GSE1: variants seen among roughly 807,000 people sequenced by gnomAD.
GSE1 encodes the protein genetic suppressor element 1.
GSE1 carries 32 observed loss-of-function variants against 112.6 expected under a neutral mutation model. That is an observed-to-expected ratio of 0.28 (90% CI 0.21 to 0.38). The LOEUF is 0.38. Among genes scored for constraint, GSE1 ranks in the 10% least tolerant of loss-of-function variants. GSE1 has a pLI of 1.00. For missense variants in GSE1, 2,348 were observed against 1,699.2 expected, an observed-to-expected ratio of 1.38 and a Z score of -6.71; for synonymous variants, 1,115 against 735.6, an observed-to-expected ratio of 1.52 and a Z score of -8.35.
Position 85,666,154 on chromosome 16 carries a change from C to T in GSE1, c.2937C>T (p.Ala979=). 1.2e-6 allele frequency: 2 copies of T among 1,613,356 alleles called. No individual in the cohort carries two copies. The highest frequency in any genetic ancestry group is 2.2e-5 in the South Asian group (2 of 91,090). Residue 979 remains alanine, a synonymous_variant, in exon 13 of 16, where the codon GCC becomes GCT. Coordinates refer to ENST00000253458, the MANE Select transcript of GSE1 (RefSeq NM_014615.5). ...ASGEKARLSE[A]PGGKKSLSML... is the part of the protein sequence containing the mutation. ...GGGAGAAGGCCAGGCTGAGCGAGGC[C>T]CCTGGAGGCAAAAAGAGTCTGAGCA... is the stretch of plus-strand genomic sequence containing the variant.
At chr16:85,316,731 G>T (rs1417005237) in intron 1 of GSE1, among the ~76,000 whole-genome samples, 1 of 152,188 alleles carries the variant, frequency 6.6e-6, no homozygotes, top group Non-Finnish European at 1.5e-5. Context: ...ATGGGGCTCC[G>T]CAGGGGTTAC....
In GSE1 at chr16:85,210,009, C is replaced by G. The variant is rs58005047; in HGVS notation, c.2283+38202C>G. On this transcript the variant is annotated intron_variant, in intron 1 of 2. Coordinates refer to the GSE1 transcript ENST00000637419. The stretch of plus-strand genomic sequence containing the variant: ...AAATACATGGGGACACGGTTACAGT[C>G]TAAACTATTAGCATAATAGTCCCAA... Among the ~76,000 whole-genome samples, 250 of 152,332 alleles carry G rather than the reference C, an allele frequency of 1.6e-3. 1 individual carries two copies. Among genetic ancestry groups the G allele is most frequent in the African/African-American group, 5.9e-3 (244 of 41,568 alleles).
intron 2 of GSE1, chr16:85,357,732 A>C: frequency 2.4e-6 from 2 of 847,806 alleles, no homozygotes; most frequent in Non-Finnish European, 3.4e-6. Flanking sequence ...CCGAGTTCAG[A>C]TACAGTTCCG....
intron 1 of GSE1, among the ~76,000 whole-genome samples, chr16:85,586,239 T>G (rs2046685723): frequency 6.6e-6 from 1 of 152,244 alleles, no homozygotes; most frequent in Admixed American, 6.5e-5. Context: ...ACATCTGCAA[T>G]TTCCAGATGA....
At chr16:85,190,816 C>A (rs533743626) in intron 1 of GSE1, among the ~76,000 whole-genome samples, 1 of 152,306 alleles carries the variant, frequency 6.6e-6, no homozygotes, top group East Asian at 1.9e-4. Context: ...GATTCCTGGC[C>A]CAGGGCACAA....
upstream of GSE1, among the ~76,000 whole-genome samples, chr16:85,612,074 G>T (rs994482904): frequency 6.6e-6 from 1 of 152,022 alleles, no homozygotes; most frequent in Non-Finnish European, 1.5e-5. Flanking sequence ...AGATCAGAGG[G>T]GTGTTGGAAG....
chr16:85,555,141 C>A, upstream of GSE1: 2 of 985,406 alleles, frequency 2.0e-6, no homozygotes, highest in Non-Finnish European at 2.4e-6. Context: ...CCCGCCGCTG[C>A]GCCCCTACCC....
At position 85,661,499 on chromosome 16, in the gene GSE1, A is replaced by C. The variant is rs747281231; in HGVS notation, c.1994A>C (p.Gln665Pro). Reference sequence around the variant, plus strand: ...CGAGAGGGAGGGAGCCTGGAGCACCAGCCCTTCCTGCCCGGGCCCGGGCCC... The same window carrying C: ...CGAGAGGGAGGGAGCCTGGAGCACCCGCCCTTCCTGCCCGGGCCCGGGCCC... ...PPREGGSLEHQPFLPGPGPFL... is the reference protein window; with the variant it reads ...PPREGGSLEHPPFLPGPGPFL... The change falls in exon 9 of 16, where the codon CAG becomes CCG. Residue 665 changes from glutamine to proline, a missense_variant. Transcript: ENST00000253458. 4.3e-5 allele frequency: 70 copies of C among 1,611,870 alleles called. 1 individual carries two copies. In the South Asian group the frequency reaches 7.1e-4, roughly 16 times the overall value.
intron 2 of GSE1, among the ~76,000 whole-genome samples, chr16:85,497,258 G>A (rs2051212016): frequency 6.6e-6 from 1 of 152,190 alleles, no homozygotes; most frequent in African/African-American, 2.4e-5. Context: ...CGGAGTGGGT[G>A]GGCGCACCTC....
intron 1 of GSE1, among the ~76,000 whole-genome samples, chr16:85,236,134 G>A (rs954753097): frequency 6.6e-5 from 10 of 152,156 alleles, no homozygotes; most frequent in African/African-American, 2.4e-4. Flanking sequence ...CTGGGCCACC[G>A]GACCGGAAAA....
intron 1 of GSE1, among the ~76,000 whole-genome samples, chr16:85,182,744 G>A (rs1025626294): frequency 1.3e-5 from 2 of 152,230 alleles, no homozygotes; most frequent in Middle Eastern, 3.4e-3. Context: ...GCCAACAGGC[G>A]TGCTGGGAGC....
chr16:85,455,398 AGAG>A (rs2049798174), intron 2 of GSE1, among the ~76,000 whole-genome samples: 4 of 152,054 alleles, frequency 2.6e-5, no homozygotes, highest in African/African-American at 9.7e-5. Context: ...AGAGAGAGAG[AGAG>A]AGAAAGAAAG....
rs1017283356 is a variant in GSE1 at position 85,388,184 on chromosome 16, A to G, written c.2464+30541A>G. ...GGTGAGTGGGTGGATGGGTGGGTGG[A>G]TGGATGGATGGATGGATGGAGGGAT... On this transcript the variant is annotated intron_variant, in intron 2 of 2. Coordinates refer to the GSE1 transcript ENST00000637419. 2.1e-4 allele frequency among the ~76,000 whole-genome samples: 30 copies of G among 144,380 alleles called. No homozygotes were observed. The East Asian group carries it at 2.2e-3, about 11-fold the overall frequency. The allele number at this position is 144,380 out of a possible 152,430, so 94.7% of individuals were successfully genotyped here.
At chr16:85,415,048 T>C (rs1375677134) in intron 2 of GSE1, among the ~76,000 whole-genome samples, 1 of 152,084 alleles carries the variant, frequency 6.6e-6, no homozygotes, top group Non-Finnish European at 1.5e-5. Flanking sequence ...GGGGTCAAGC[T>C]ATCCTCTTGC....
intron 5 of GSE1, among the ~76,000 whole-genome samples, 170 bp downstream of exon 5, chr16:85,655,161 C>T (rs868773497): frequency 6.6e-6 from 1 of 152,184 alleles, no homozygotes; most frequent in East Asian, 1.9e-4. Context: ...GCCCTGATGG[C>T]CCATTAGGGG....
At chr16:85,489,540 C>T (rs1000516800) in intron 2 of GSE1, among the ~76,000 whole-genome samples, 2 of 151,876 alleles carry the variant, frequency 1.3e-5, no homozygotes, top group Non-Finnish European at 2.9e-5. Flanking sequence ...AGCCAGTGCC[C>T]ACCCCGCAGC....
intron 1 of GSE1, among the ~76,000 whole-genome samples, chr16:85,212,176 C>T (rs2075237334): frequency 6.6e-6 from 1 of 152,178 alleles, no homozygotes; most frequent in African/African-American, 2.4e-5. Context: ...GAGGCCGAGA[C>T]CGGCAGAACA....
At chr16:85,512,801 C>G (rs1417318849) in intron 2 of GSE1, among the ~76,000 whole-genome samples, 1 of 152,164 alleles carries the variant, frequency 6.6e-6, no homozygotes, top group Non-Finnish European at 1.5e-5. Context: ...AATTTAATCG[C>G]AGGTCCGAGA....
intron 2 of GSE1, among the ~76,000 whole-genome samples, chr16:85,479,573 G>C (rs936452028): frequency 6.6e-6 from 1 of 152,120 alleles, no homozygotes; most frequent in East Asian, 1.9e-4. Flanking sequence ...CAAAGTGCTG[G>C]GATTACAGGT....
Sources: allele counts gnomAD v4.1 joint callset (sites outside exome capture counted in the v4.1 genomes callset), GRCh38; gene constraint gnomAD v4.1.1; transcripts MANE v1.5; gene names NCBI Gene and HGNC (gene_info 2026-07-23, HGNC 2026-07-21).